Variants in EMC2 observed in about 807,000 individuals in gnomAD.
The protein encoded by EMC2 is ER membrane protein complex subunit 2, also known as TPR repeat protein 35.
Under a neutral mutation model 51.6 loss-of-function variants are expected in EMC2, and 37 were observed. The observed-to-expected ratio is 0.72, with a 90% CI of 0.55 to 0.94. The LOEUF (loss-of-function observed/expected upper bound fraction) is 0.94. Ranked by LOEUF, EMC2 falls within the 40% of genes least tolerant of loss-of-function variation. The pLI is 0.00. For synonymous variants in EMC2, 131 were observed against 112.4 expected (o/e 1.17, Z -1.04); for missense variants, 359 against 350.9 (o/e 1.02, Z -0.18).
Position 108,443,626 on chromosome 8 carries a change from C to T in EMC2, c.-33C>T, listed in dbSNP as rs775039940. ...GGGTCACGTGACTGCGTCTCCCCGC[C>T]CTCTCACCCCGCTGCCTCTAGGTTC... On this transcript the variant is annotated 5_prime_UTR_variant, in exon 1 of 11. Coordinates refer to ENST00000220853, the MANE Select transcript of EMC2 (RefSeq NM_014673.5). The T allele has an allele frequency of 3.1e-6, 5 of 1,596,336 alleles. No individual in the cohort carries two copies. The South Asian group carries it at 3.4e-5, about 11-fold the overall frequency.
At chr8:108,455,139 C>T (rs982058771) in intron 4 of EMC2, among the ~76,000 whole-genome samples, 18 of 151,882 alleles carry the variant, frequency 1.2e-4, no homozygotes, top group East Asian at 1.9e-4. Flanking sequence ...AAATTTTCAA[C>T]GATTAAACAT....
rs967052011 is a variant in EMC2 at position 108,449,903 on chromosome 8, A to C, written c.121A>C (p.Ile41Leu). The change falls in exon 2 of 11, where the codon ATT (isoleucine) becomes CTT (leucine). Residue 41 changes from isoleucine (I) to leucine (L), a missense_variant. Coordinates refer to ENST00000220853, the MANE Select transcript of EMC2 (RefSeq NM_014673.5). ...AATTGTGGAAGTTGGAGAAGAATTAATTAATGAATATGCTTCTAAGCTGGG... is the reference window on the plus strand; with the variant it reads ...AATTGTGGAAGTTGGAGAAGAATTACTTAATGAATATGCTTCTAAGCTGGG... ...EQIVEVGEEL[I>L]NEYASKLGDD... is the part of the protein sequence containing the mutation. The C allele has an allele frequency of 1.3e-6, 2 of 1,579,554 alleles. No individual in the cohort carries two copies. Among genetic ancestry groups the C allele is most frequent in the African/African-American group, 2.7e-5 (2 of 74,160 alleles).
intron 3 of EMC2, among the ~76,000 whole-genome samples, chr8:108,452,627 G>A (rs1221084645): frequency 6.6e-6 from 1 of 152,150 alleles, no homozygotes; most frequent in Non-Finnish European, 1.5e-5. Context: ...AAATTAATCA[G>A]TGTTTATGTT....
chr8:108,478,905 A>C, intron 9 of EMC2, 101 bp from the exon 10 acceptor site: 1 of 432,040 alleles, frequency 2.3e-6, no homozygotes, highest in Non-Finnish European at 4.0e-6. Context: ...ACAGTTTTTA[A>C]AAATTCTTTA....
intron 5 of EMC2, among the ~76,000 whole-genome samples, chr8:108,467,242 G>T (rs1810744019): frequency 6.6e-6 from 1 of 152,066 alleles, no homozygotes; most frequent in African/African-American, 2.4e-5. Flanking sequence ...TTAGTTTTTT[G>T]AACCAGTGTT....
intron 1 of EMC2, among the ~76,000 whole-genome samples, chr8:108,449,530 C>G (rs886317559): frequency 1.3e-5 from 2 of 152,160 alleles, no homozygotes; most frequent in African/African-American, 4.8e-5. Context: ...CCTTGGGCTC[C>G]CAAAGTCCTG....
At chr8:108,459,117 C>T (rs1380209428) in intron 5 of EMC2, among the ~76,000 whole-genome samples, 1 of 152,200 alleles carries the variant, frequency 6.6e-6, no homozygotes, top group Non-Finnish European at 1.5e-5. Context: ...TTCCTCATCT[C>T]CATCTGAGAC....
At chr8:108,476,272 G>C (rs1454650960) in intron 8 of EMC2, among the ~76,000 whole-genome samples, 1 of 151,734 alleles carries the variant, frequency 6.6e-6, no homozygotes, top group Non-Finnish European at 1.5e-5. Context: ...GATTATGATT[G>C]TTAAATCCAT....
At chr8:108,458,006 A>T (rs1819210926) in intron 5 of EMC2, among the ~76,000 whole-genome samples, 2 of 152,200 alleles carry the variant, frequency 1.3e-5, no homozygotes, top group South Asian at 4.1e-4. Flanking sequence ...AAATACAGCC[A>T]TTCCAAATGG....
chr8:108,452,167 T>C (rs1485569797), intron 3 of EMC2, among the ~76,000 whole-genome samples: 2 of 152,218 alleles, frequency 1.3e-5, no homozygotes, highest in Non-Finnish European at 2.9e-5. Flanking sequence ...ATTATTTATT[T>C]AGTCAAGTTG....
intron 10 of EMC2, among the ~76,000 whole-genome samples, chr8:108,481,620 A>G (rs888579155): frequency 6.6e-6 from 1 of 152,214 alleles, no homozygotes; most frequent in African/African-American, 2.4e-5. Context: ...AAGAATTATA[A>G]CAGAAAAAAG....
At chr8:108,447,579 G>C (rs1818907468) in intron 1 of EMC2, among the ~76,000 whole-genome samples, 1 of 152,268 alleles carries the variant, frequency 6.6e-6, no homozygotes, top group South Asian at 2.1e-4. Flanking sequence ...TTGGACTAAA[G>C]AAATCATAAT....
intron 5 of EMC2, among the ~76,000 whole-genome samples, chr8:108,461,945 A>G (rs1819332937): frequency 2.0e-5 from 3 of 152,072 alleles, no homozygotes; most frequent in Admixed American, 2.0e-4. Flanking sequence ...GGTAGCTGGG[A>G]CTACAGGCAC....
At chr8:108,453,174 C>T (rs1195739122) in intron 4 of EMC2, 27 bp downstream of exon 4, 2 of 1,368,626 alleles carry the variant, frequency 1.5e-6, no homozygotes, top group Admixed American at 2.1e-5. Context: ...AGCTGGCAGG[C>T]ATGGAGCCTG....
chr8:108,487,825 T>A lies in EMC2; in HGVS notation c.*1227T>A, dbSNP rs184964863. 2.4e-3 allele frequency among the ~76,000 whole-genome samples: 366 copies of A among 152,254 alleles called. 1 individual carries two copies. The highest frequency in any genetic ancestry group is 8.4e-3 in the African/African-American group (349 of 41,548). Reference sequence around the variant, plus strand: ...TATTCTCCATATCTAGTCTAATCTTTCATATTACAGTCATTTTCGTTTTAT... The same window carrying A: ...TATTCTCCATATCTAGTCTAATCTTACATATTACAGTCATTTTCGTTTTAT... On this transcript the variant is annotated 3_prime_UTR_variant, in exon 11 of 11. Coordinates refer to ENST00000220853, the MANE Select transcript of EMC2 (RefSeq NM_014673.5).
At chr8:108,445,984 C>G (rs1048019037) in intron 1 of EMC2, among the ~76,000 whole-genome samples, 1 of 152,110 alleles carries the variant, frequency 6.6e-6, no homozygotes, top group African/African-American at 2.4e-5. Flanking sequence ...CTCTGACCAC[C>G]CTTTCCAAAA....
chr8:108,476,960 C>T, intron 9 of EMC2, 68 bp downstream of exon 9: 1 of 751,096 alleles, frequency 1.3e-6, no homozygotes, highest in Non-Finnish European at 2.4e-6. Context: ...TAACTATCCC[C>T]TTCAATCACT....
intron 5 of EMC2, among the ~76,000 whole-genome samples, chr8:108,462,832 T>C (rs545059871): frequency 6.6e-6 from 1 of 151,512 alleles, no homozygotes; most frequent in East Asian, 1.9e-4. Flanking sequence ...TGTGCCGGGA[T>C]TACAGGAGTG....
Position 108,480,086 on chromosome 8 carries a change from C to T in EMC2, c.807+976C>T, listed in dbSNP as rs1257569863. ...TCAGTTTTCCCAAATACACAGTACA[C>T]CCATTTAGTACATCAGTTTAGCCCT... On this transcript the variant is annotated intron_variant, in intron 10 of 10. Transcript: ENST00000220853. 3.3e-5 allele frequency among the ~76,000 whole-genome samples: 5 copies of T among 152,166 alleles called. No homozygotes were observed. The East Asian group carries it at 9.6e-4, about 29-fold the overall frequency.
Sources: gnomAD v4.1 joint callset for allele counts (sites outside exome capture counted in the v4.1 genomes callset) on GRCh38, gnomAD v4.1.1 for gene constraint, MANE v1.5 for transcripts, NCBI Gene and HGNC (gene_info 2026-07-23, HGNC 2026-07-21) for gene names.